Variants in PSD3 observed in about 807,000 individuals in gnomAD.
PSD3 encodes PH and SEC7 domain-containing protein 3.
In PSD3, 49 loss-of-function variants were observed where a neutral mutation model predicts 105.5. The ratio of observed to expected loss-of-function variants is 0.46; its 90% CI spans 0.37 to 0.59. The LOEUF (loss-of-function observed/expected upper bound fraction) is 0.59. PSD3 is among the 20% of genes least tolerant of loss of function. The pLI, the probability that PSD3 is intolerant of heterozygous loss-of-function variation, is 0.00. For synonymous variants in PSD3, 557 were observed against 457.8 expected (o/e 1.22, Z -2.77); for missense variants, 1,561 against 1,263.8 (o/e 1.24, Z -3.57).
chr8:18,843,136 G>A lies in PSD3; in HGVS notation c.1634+24538C>T, dbSNP rs184072107. Among the ~76,000 whole-genome samples the A allele has an allele frequency of 4.1e-4, 63 of 152,128 alleles. No individual in the cohort carries two copies. The East Asian group carries it at 9.3e-3, about 23-fold the overall frequency. On this transcript the variant is annotated intron_variant, in intron 4 of 15. Coordinates refer to ENST00000327040, the MANE Select transcript of PSD3 (RefSeq NM_015310.4). Reference sequence around the variant, plus strand: ...CTCTCTTTGGGAGGCCGAGACGGGCGGATCACGAGGTCAGGCGATCGAGAC... The same window carrying A: ...CTCTCTTTGGGAGGCCGAGACGGGCAGATCACGAGGTCAGGCGATCGAGAC...
chr8:18,540,360 C>T (rs1212749032), intron 15 of PSD3, among the ~76,000 whole-genome samples: 1 of 152,054 alleles, frequency 6.6e-6, no homozygotes, highest in African/African-American at 2.4e-5. Context: ...TGCTTTATTG[C>T]AATACTCTGG....
intron 9 of PSD3, among the ~76,000 whole-genome samples, chr8:18,708,591 C>T (rs1563188231): frequency 6.6e-6 from 1 of 152,104 alleles, no homozygotes; most frequent in African/African-American, 2.4e-5. Context: ...TAACAGACAA[C>T]ATTTTCGTCA....
rs574056213 is a variant in PSD3, at chr8:19,052,209, C to G, written c.324+31997G>C. On this transcript the variant is annotated intron_variant, in intron 1 of 1. Transcript: ENST00000521475. ...AGAAAAGTGGCCGGGCACGGTGGCT[C>G]ACGCCTGTAATCCCAGCACTTTGGG... Among the ~76,000 whole-genome samples the G allele has an allele frequency of 2.0e-5, 3 of 152,144 alleles. No individual in the cohort carries two copies. The South Asian group carries it at 6.2e-4, about 32-fold the overall frequency.
chr8:19,001,510 C>G (rs770725075), intron 1 of PSD3: 1 of 152,016 alleles, frequency 6.6e-6, no homozygotes, highest in Non-Finnish European at 1.5e-5. Context: ...TCCAGCGTCT[C>G]TGGAAGAGTG....
intron 9 of PSD3, among the ~76,000 whole-genome samples, chr8:18,681,548 T>A (rs1305659953): frequency 6.6e-6 from 1 of 151,690 alleles, no homozygotes; most frequent in Non-Finnish European, 1.5e-5. Context: ...AAATTCTGAT[T>A]AAAATTGGAG....
intron 3 of PSD3, among the ~76,000 whole-genome samples, chr8:18,870,854 C>T (rs1412002688): frequency 4.6e-5 from 7 of 152,152 alleles, no homozygotes. Context: ...AATCCCACCA[C>T]TTAGGGAGGC....
intron 4 of PSD3, among the ~76,000 whole-genome samples, chr8:18,834,393 C>T (rs1369179838): frequency 6.6e-6 from 1 of 152,106 alleles, no homozygotes; most frequent in East Asian, 1.9e-4. Flanking sequence ...AAGATTAATA[C>T]AACAAATCAA....
chr8:18,744,034 A>G (rs867014185), intron 9 of PSD3, among the ~76,000 whole-genome samples: 1 of 149,370 alleles, frequency 6.7e-6, no homozygotes. Context: ...CCCTGACATC[A>G]CCACTATTAA....
intron 4 of PSD3, among the ~76,000 whole-genome samples, chr8:18,823,782 ACACACAC>A (rs1812946780): frequency 1.8e-5 from 1 of 56,262 alleles, no homozygotes; most frequent in Non-Finnish European, 3.1e-5. Context: ...AAACACACTC[ACACACAC>A]ACACACACAC....
At chr8:18,767,813 A>G (rs1390956999) in intron 8 of PSD3, among the ~76,000 whole-genome samples, 1 of 152,060 alleles carries the variant, frequency 6.6e-6, no homozygotes, top group Non-Finnish European at 1.5e-5. Flanking sequence ...ACCTGCATAC[A>G]CTACTACTAT....
intron 1 of PSD3, among the ~76,000 whole-genome samples, chr8:18,999,225 C>A (rs151063426): frequency 5.1e-4 from 78 of 152,034 alleles, no homozygotes; most frequent in African/African-American, 1.7e-3. Context: ...GTTATGTATA[C>A]AGCAGAAATT....
At chr8:18,936,675 T>C (rs13273299) in intron 1 of PSD3, among the ~76,000 whole-genome samples, 1 of 152,016 alleles carries the variant, frequency 6.6e-6, no homozygotes, top group African/African-American at 2.4e-5. Flanking sequence ...AGAGAATCAC[T>C]TGAACCAGGG....
At chr8:18,873,712 T>C (rs528318607) in intron 2 of PSD3, among the ~76,000 whole-genome samples, 1 of 152,154 alleles carries the variant, frequency 6.6e-6, no homozygotes, top group Non-Finnish European at 1.5e-5. Flanking sequence ...TTGTATCCTT[T>C]GACCAGCACC....
At chr8:18,829,125 T>C (rs528419857) in intron 4 of PSD3, among the ~76,000 whole-genome samples, 31 of 152,184 alleles carry the variant, frequency 2.0e-4, no homozygotes, top group African/African-American at 6.0e-4. Flanking sequence ...CATGTGTCTA[T>C]GGTCTCAGCT....
chr8:18,938,783 C>A (rs964965088), intron 1 of PSD3, among the ~76,000 whole-genome samples: 5 of 152,134 alleles, frequency 3.3e-5, no homozygotes, highest in East Asian at 1.9e-4. Context: ...ACTGTCATCC[C>A]CATCTTATAG....
intron 13 of PSD3, among the ~76,000 whole-genome samples, chr8:18,573,324 G>A (rs1802265195): frequency 6.6e-6 from 1 of 152,112 alleles, no homozygotes; most frequent in Non-Finnish European, 1.5e-5. Context: ...ACAGAAATTA[G>A]CTGGGCATGG....
chr8:18,579,829 T>C (rs1802693411), intron 12 of PSD3, among the ~76,000 whole-genome samples: 1 of 152,216 alleles, frequency 6.6e-6, no homozygotes, highest in Admixed American at 6.5e-5. Flanking sequence ...TTCAATGTAC[T>C]ATTTACTTCA....
At chr8:18,638,337 A>G (rs1807418583) in intron 10 of PSD3, among the ~76,000 whole-genome samples, 1 of 152,028 alleles carries the variant, frequency 6.6e-6, no homozygotes, top group Non-Finnish European at 1.5e-5. Context: ...AGAAAAAAAA[A>G]AAAGGAAGTG....
intron 2 of PSD3, among the ~76,000 whole-genome samples, chr8:18,935,305 A>G (rs1189899633): frequency 3.3e-5 from 5 of 152,178 alleles, no homozygotes; most frequent in Non-Finnish European, 7.3e-5. Flanking sequence ...GAGCTACAAT[A>G]ACCTCCAAAG....
Sources: allele counts gnomAD v4.1 joint callset (sites outside exome capture counted in the v4.1 genomes callset), GRCh38; gene constraint gnomAD v4.1.1; transcripts MANE v1.5; gene names NCBI Gene and HGNC (gene_info 2026-07-23, HGNC 2026-07-21).